The following PRCD variants were observed in gnomAD, a reference collection of about 807,000 sequenced individuals.
PRCD encodes the protein photoreceptor disk component PRCD.
Under a neutral mutation model 10.1 loss-of-function variants are expected in PRCD, and 12 were observed. That is an observed-to-expected ratio of 1.18 (90% CI 0.76 to 1.92). The LOEUF is 1.92. PRCD is among the 40% of genes most tolerant of loss of function. The probability of loss-of-function intolerance (pLI) is 0.00; values close to 1 mark genes in which losing one functional copy is unlikely to be tolerated. For missense variants in PRCD, 61 were observed against 72.2 expected (o/e 0.84, Z 0.56); for synonymous variants, 31 against 26.2 (o/e 1.18, Z -0.56).
downstream of PRCD, among the ~76,000 whole-genome samples, chr17:76,548,774 C>G (rs2075080357): frequency 6.6e-6 from 1 of 152,192 alleles, no homozygotes; most frequent in South Asian, 2.1e-4. Flanking sequence ...CACTGTGGAT[C>G]CAGAAACGGA....
upstream of PRCD, chr17:76,537,357 C>A (rs1014376974): frequency 6.5e-7 from 1 of 1,544,384 alleles, no homozygotes; most frequent in Non-Finnish European, 8.7e-7. Context: ...GAGCCGCTGC[C>A]GCCCTCCCTG....
chr17:76,551,618 C>T (rs2075109925), intron 1 of PRCD: 1 of 152,188 alleles, frequency 6.6e-6, no homozygotes, highest in Admixed American at 6.5e-5. Flanking sequence ...TGGTCATCTG[C>T]ATGATCCCAG....
chr17:76,529,966 G>T lies in PRCD; in HGVS notation n.45+2133G>T, dbSNP rs538927922. ...GGCCAGTGTGGTCAGCAGCAGGAAG[G>T]GCAGGAGGCCTGGCGTCCCCAGCTG... On this transcript the variant is annotated intron_variant and non_coding_transcript_variant, in intron 1 of 4. Transcript: ENST00000397633. 2.2e-3 allele frequency: 2,179 copies of T among 985,346 alleles called. 8 individuals are homozygous for T. Among genetic ancestry groups the T allele is most frequent in the Non-Finnish European group, 2.2e-3 (1,812 of 829,884 alleles). The allele number at this position is 985,346 out of a possible 1,614,324, so 61.0% of individuals were successfully genotyped here.
At chr17:76,546,415 C>T (rs2143192339), downstream of PRCD, 1 of 141,892 alleles carries the variant, frequency 7.0e-6, no homozygotes, top group African/African-American at 2.6e-5. The surrounding 1 kb of genome is among the most constrained non-coding windows in gnomAD (Gnocchi z 4.5). Context: ...GGAGTACCCA[C>T]CCATTCCAAG....
At chr17:76,547,904 T>C (rs1279749800), downstream of PRCD, among the ~76,000 whole-genome samples, 4 of 128,822 alleles carry the variant, frequency 3.1e-5, no homozygotes, top group African/African-American at 1.4e-4. Context: ...CAGACACACA[T>C]AACACATTCA....
Position 76,540,263 on chromosome 17 carries a change from G to GGGGGGGGGGGGGGGGGGGGGC in PRCD, c.74+48_74+49insGGGGGGGGGGGGGGGGGGGGC. Reference sequence around the variant, plus strand: ...GCTGGCGGTTGGTCGGGGGGGGGGGGCATGGGGCTGGGCTGCCACCAAGCT... The same window carrying GGGGGGGGGGGGGGGGGGGGGC: ...GCTGGCGGTTGGTCGGGGGGGGGGGGGGGGGGGGGGGGGGGGGGGGCCATGGGGCTGGGCTGCCACCAAGCT... On this transcript the variant is annotated intron_variant, in intron 1 of 4. Coordinates refer to ENST00000592014, the MANE Select transcript of PRCD (RefSeq NM_001077620.3). This position sits in a 1 kb window ranked among gnomAD's most constrained non-coding sequence, Gnocchi z 5.0. 1.6e-6 allele frequency: 1 copy of GGGGGGGGGGGGGGGGGGGGGC among 610,900 alleles called. No individual in the cohort carries two copies. Among genetic ancestry groups the GGGGGGGGGGGGGGGGGGGGGC allele is most frequent in the Non-Finnish European group, 2.9e-6 (1 of 345,508 alleles). 37.8% of individuals were successfully genotyped at this position (610,900 alleles called of 1,614,324 possible).
intron 3 of PRCD, 26 bp downstream of exon 3, chr17:76,542,659 G>A: frequency 6.8e-7 from 1 of 1,470,956 alleles, no homozygotes; most frequent in Admixed American, 1.7e-5. Flanking sequence ...GAGCCGGGGA[G>A]GGCAGAGGGC....
intron 1 of PRCD, chr17:76,529,777 G>T (rs1468904965): frequency 1.0e-6 from 1 of 985,230 alleles, no homozygotes; most frequent in African/African-American, 1.7e-5. Flanking sequence ...CCTCTGGTGG[G>T]CCAACATCTG....
Position 76,544,309 on chromosome 17 carries a change from G to A in PRCD, c.*659G>A, listed in dbSNP as rs1312494464. On this transcript the variant is annotated 3_prime_UTR_variant, in exon 5 of 5. Coordinates refer to ENST00000592014, the MANE Select transcript of PRCD (RefSeq NM_001077620.3). Reference sequence around the variant, plus strand: ...CTTGACTTCCAGGCAGTAGAAGATGGAGTTCTCTAGACAGCAGCACTTCAG... The same window carrying A: ...CTTGACTTCCAGGCAGTAGAAGATGAAGTTCTCTAGACAGCAGCACTTCAG... The A allele has an allele frequency of 4.4e-6, 2 of 454,454 alleles. No individual in the cohort carries two copies. The highest frequency in any genetic ancestry group is 1.6e-5 in the South Asian group (1 of 64,480). The allele number at this position is 454,454 out of a possible 1,614,324, so 28.2% of individuals were successfully genotyped here. A position where few individuals can be genotyped will look rare whatever the true frequency, so the allele number is the denominator to read the frequency against.
intron 2 of PRCD, 78 bp from the exon 3 acceptor site, chr17:76,542,472 GGGA>G (rs777923534): frequency 4.6e-6 from 7 of 1,517,306 alleles, no homozygotes; most frequent in South Asian, 1.1e-5. Flanking sequence ...TGATAGGGAT[GGGA>G]GGAGGAGGAA....
intron 4 of PRCD, 70 bp from the exon 5 acceptor site, chr17:76,543,733 T>C (rs748601624): frequency 4.3e-6 from 2 of 468,816 alleles, no homozygotes; most frequent in African/African-American, 2.0e-5. Context: ...AAGCCGCCAC[T>C]TGTGGTCCGA....
upstream of PRCD, among the ~76,000 whole-genome samples, chr17:76,539,335 GT>G (rs2074959539): frequency 1.3e-5 from 2 of 152,230 alleles, no homozygotes; most frequent in Non-Finnish European, 2.9e-5. Context: ...CTTTGCAAAT[GT>G]AATATAGTCG....
chr17:76,531,785 G>T lies in PRCD; in HGVS notation n.45+3952G>T. On this transcript the variant is annotated intron_variant and non_coding_transcript_variant, in intron 1 of 4. Transcript: ENST00000397633. This position sits in a 1 kb window ranked among gnomAD's most constrained non-coding sequence, Gnocchi z 7.4. Reference sequence around the variant, plus strand: ...ATAGTGGGGGCTGAAGAAGTGGACCGCAGTGCTCCCCACCCCCGCACCGTC... The same window carrying T: ...ATAGTGGGGGCTGAAGAAGTGGACCTCAGTGCTCCCCACCCCCGCACCGTC... 2.0e-6 allele frequency: 2 copies of T among 1,022,396 alleles called. No individual in the cohort carries two copies. The highest frequency in any genetic ancestry group is 1.4e-6 in the Non-Finnish European group (1 of 692,416). 63.3% of individuals were successfully genotyped at this position (1,022,396 alleles called of 1,614,324 possible).
At chr17:76,546,099 C>A (rs2075050234), downstream of PRCD, 1 of 152,494 alleles carries the variant, frequency 6.6e-6, no homozygotes, top group Non-Finnish European at 1.5e-5. The surrounding 1 kb of genome is among the most constrained non-coding windows in gnomAD (Gnocchi z 4.5). Context: ...AACCTCAGCT[C>A]CTTGACAAGA....
Position 76,545,051 on chromosome 17 carries a change from G to A in PRCD, c.*1401G>A. 1 of 452,238 alleles carries A rather than the reference G, an allele frequency of 2.2e-6. No individual in the cohort carries two copies. 28.0% of individuals were successfully genotyped at this position (452,238 alleles called of 1,614,324 possible). ...TGCCTGGGCAGCTGGGGTGCCATGT[G>A]GGCCGGGTGGGGGGGCTGTCTCCCC... On this transcript the variant is annotated 3_prime_UTR_variant, in exon 5 of 5. Transcript: ENST00000592014.
rs1257133527 is a variant in PRCD at position 76,540,819 on chromosome 17, G to A, written c.143+246G>A. 6.6e-6 allele frequency among the ~76,000 whole-genome samples: 1 copy of A among 152,226 alleles called. No individual in the cohort carries two copies. Among genetic ancestry groups the A allele is most frequent in the Non-Finnish European group, 1.5e-5 (1 of 68,038 alleles). ...CCGCTGTGCCTCTCATCTCCAGCACGGGGCGGTCCCCCGGGGCACCTTCTG... is the reference window on the plus strand; with the variant it reads ...CCGCTGTGCCTCTCATCTCCAGCACAGGGCGGTCCCCCGGGGCACCTTCTG... On this transcript the variant is annotated intron_variant, in intron 2 of 4. Coordinates refer to ENST00000592014, the MANE Select transcript of PRCD (RefSeq NM_001077620.3). The surrounding 1 kb of genome is among the most constrained non-coding windows in gnomAD (Gnocchi z 5.0).
intron 1 of PRCD, chr17:76,551,230 A>G (rs917976498): frequency 6.6e-6 from 1 of 152,174 alleles, no homozygotes; most frequent in African/African-American, 2.4e-5. Flanking sequence ...AACAAACACC[A>G]CCACAAGCAA....
At chr17:76,529,876 G>A (rs1057297608) in intron 1 of PRCD, 28 of 985,154 alleles carry the variant, frequency 2.8e-5, no homozygotes, top group Non-Finnish European at 2.8e-5. Flanking sequence ...AGCAGTTCCC[G>A]AGGACTCCAC....
At position 76,540,168 on chromosome 17, in the gene PRCD, C is replaced by T. The variant is rs1450090242; in HGVS notation, c.27C>T (p.Ser9=). 6.2e-7 allele frequency: 1 copy of T among 1,608,256 alleles called. No homozygotes were observed. Among genetic ancestry groups the T allele is most frequent in the Non-Finnish European group, 8.5e-7 (1 of 1,177,988 alleles). ...TGTGCACCACCCTTTTCCTGCTCAG[C>T]ACCCTGGCCATGCTCTGGCGCCGCC... MCTTLFLL[S]TLAMLWRRRF... is the part of the protein sequence containing the mutation. Residue 9 remains serine, a synonymous_variant, in exon 1 of 5, where the codon AGC becomes AGT. Coordinates refer to ENST00000592014, the MANE Select transcript of PRCD (RefSeq NM_001077620.3). The surrounding 1 kb of genome is among the most constrained non-coding windows in gnomAD (Gnocchi z 5.0).
Sources: gnomAD v4.1 joint callset for allele counts (sites outside exome capture counted in the v4.1 genomes callset) on GRCh38, gnomAD v4.1.1 for gene constraint, Gnocchi (gnomAD v3.1) non-coding constraint, MANE v1.5 for transcripts, NCBI Gene and HGNC (gene_info 2026-07-23, HGNC 2026-07-21) for gene names.